The following DGKK variants were observed in gnomAD, a reference collection of about 807,000 sequenced individuals.
DGKK encodes the protein diacylglycerol kinase kappa.
DGKK carries 35 observed loss-of-function variants against 92.2 expected under a neutral mutation model. That is an observed-to-expected ratio of 0.38 (90% CI 0.29 to 0.50). DGKK has a LOEUF of 0.50. DGKK is among the 20% of genes least tolerant of loss of function. DGKK has a pLI of 0.92. For missense variants in DGKK, 910 were observed against 992.2 expected, an observed-to-expected ratio of 0.92 and a Z score of 1.11; for synonymous variants, 368 against 360.6, an observed-to-expected ratio of 1.02 and a Z score of -0.23.
intron 1 of DGKK, among the ~76,000 whole-genome samples, chrX:50,425,896 T>C (rs1413942560): frequency 1.8e-5 from 2 of 112,024 alleles, no homozygotes; most frequent in Non-Finnish European, 3.8e-5. Flanking sequence ...ATTGTTCCTT[T>C]CCCCTTTCTG....
intron 5 of DGKK, 128 bp from the exon 6 acceptor site, chrX:50,403,725 A>T: frequency 1.8e-6 from 1 of 552,369 alleles, no homozygotes; most frequent in Non-Finnish European, 2.9e-6. Flanking sequence ...CACCTCCAAA[A>T]ACCTATTTCC....
chrX:50,396,074 A>G (rs1557226081), intron 8 of DGKK, among the ~76,000 whole-genome samples: 2 of 112,328 alleles, frequency 1.8e-5, no homozygotes, highest in African/African-American at 6.5e-5. Context: ...ATTATTCATC[A>G]TAGTGGACTG....
At chrX:50,465,848 C>G (rs1926887032) in intron 1 of DGKK, among the ~76,000 whole-genome samples, 1 of 110,331 alleles carries the variant, frequency 9.1e-6, no homozygotes, top group South Asian at 3.9e-4. Flanking sequence ...TATTTTTGCC[C>G]TCCCCCACCT....
chrX:50,377,357 G>A (rs782552795), intron 22 of DGKK, among the ~76,000 whole-genome samples: 2 of 112,357 alleles, frequency 1.8e-5, no homozygotes, highest in Non-Finnish European at 3.8e-5. Flanking sequence ...TTTACTAGTT[G>A]TGTGACCATT....
At chrX:50,463,177 C>G (rs1926804771) in intron 1 of DGKK, among the ~76,000 whole-genome samples, 1 of 107,481 alleles carries the variant, frequency 9.3e-6, no homozygotes, top group Non-Finnish European at 1.9e-5. Context: ...AAAATAATCC[C>G]TTTGTTAATT....
intron 2 of DGKK, 139 bp downstream of exon 2, chrX:50,424,109 G>GT (rs1557229436): frequency 2.3e-6 from 1 of 440,981 alleles, no homozygotes; most frequent in Non-Finnish European, 3.8e-6. Flanking sequence ...ACCCAAAAGG[G>GT]CAAGTTAAAA....
rs782230564 is a variant in DGKK at position 50,381,393 on chromosome X, A to C, written c.2657+1103T>G. On this transcript the variant is annotated intron_variant, in intron 18 of 27. Transcript: ENST00000611977. ...TGAGGCAGGAGAATTACTTGAACCC[A>C]GGAGGCAGAGGTTGCAGTGAGCCGA... 2.8e-4 allele frequency among the ~76,000 whole-genome samples: 31 copies of C among 111,514 alleles called. No individual in the cohort carries two copies. The East Asian group carries it at 7.9e-3, about 28-fold the overall frequency.
intron 8 of DGKK, among the ~76,000 whole-genome samples, chrX:50,400,346 T>C (rs1202982754): frequency 8.9e-6 from 1 of 112,322 alleles, no homozygotes; most frequent in African/African-American, 3.2e-5. Context: ...TCTTGCTGCA[T>C]TGATTTCATT....
chrX:50,408,073 G>A (rs961418426), intron 4 of DGKK, among the ~76,000 whole-genome samples: 21 of 112,856 alleles, frequency 1.9e-4, no homozygotes, highest in African/African-American at 6.8e-4. Context: ...GAGAGGCTCA[G>A]AGGCCAGAGA....
At chrX:50,373,913 T>G (rs1557223518) in intron 25 of DGKK, among the ~76,000 whole-genome samples, 1 of 112,159 alleles carries the variant, frequency 8.9e-6, no homozygotes, top group African/African-American at 3.2e-5. Flanking sequence ...AGCCTCAGTC[T>G]GTTCTCCCTA....
At chrX:50,406,260 T>A (rs1364381101) in intron 4 of DGKK, among the ~76,000 whole-genome samples, 2 of 111,793 alleles carry the variant, frequency 1.8e-5, no homozygotes, top group Non-Finnish European at 3.8e-5. Context: ...ATTACTTAGG[T>A]TCAGCAGTTG....
At chrX:50,438,871 C>T (rs1446632967) in intron 1 of DGKK, among the ~76,000 whole-genome samples, 3 of 111,584 alleles carry the variant, frequency 2.7e-5, no homozygotes, top group African/African-American at 9.8e-5. Context: ...AGGTCTGTTG[C>T]CATAAAGTAG....
At chrX:50,436,735 T>C (rs1399149505) in intron 1 of DGKK, among the ~76,000 whole-genome samples, 1 of 111,164 alleles carries the variant, frequency 9.0e-6, no homozygotes, top group Non-Finnish European at 1.9e-5. Flanking sequence ...CCTTTTTTTT[T>C]TTCAGGTAAT....
In DGKK at chrX:50,370,134, T is replaced by A. The variant is rs377668841; in HGVS notation, c.3736+292A>T. 4.5e-5 allele frequency among the ~76,000 whole-genome samples: 5 copies of A among 112,278 alleles called. No individual in the cohort carries two copies. The East Asian group carries it at 1.4e-3, about 31-fold the overall frequency. On this transcript the variant is annotated intron_variant, in intron 27 of 27. Transcript: ENST00000611977. ...GTGTTTAGATAGGCCACAGAACCTGTTCCTGACCCTTAGGAGTGAATCAGG... is the reference window on the plus strand; with the variant it reads ...GTGTTTAGATAGGCCACAGAACCTGATCCTGACCCTTAGGAGTGAATCAGG...
At chrX:50,447,667 G>A (rs1174255098) in intron 1 of DGKK, among the ~76,000 whole-genome samples, 2 of 105,189 alleles carry the variant, frequency 1.9e-5, no homozygotes, top group African/African-American at 3.4e-5. Context: ...GGTAGGGCTA[G>A]ATTTCTGACA....
At chrX:50,415,605 A>G (rs186321573) in intron 4 of DGKK, among the ~76,000 whole-genome samples, 1 of 112,112 alleles carries the variant, frequency 8.9e-6, no homozygotes, top group Non-Finnish European at 1.9e-5. Flanking sequence ...CCACCATCGT[A>G]AGTTGGAGAC....
intron 4 of DGKK, among the ~76,000 whole-genome samples, chrX:50,417,702 C>T (rs1925471018): frequency 9.0e-6 from 1 of 110,867 alleles, no homozygotes; most frequent in Admixed American, 9.6e-5. Flanking sequence ...GGGCTTAACA[C>T]GGTCTTGCCA....
rs782732827 is a variant in DGKK, at chrX:50,470,230, G to A, written c.449C>T (p.Ala150Val). ...CACAGGTTCTGGGGTCGGCTCTGGG[G>A]CCAGCTCTGGGGCAACTTCTGGAGT... ...ELTPEVAPEL[A>V]PEPTPEPVTE... The change falls in exon 1 of 28, where the codon GCC (alanine) becomes GTC (valine). Residue 150 changes from alanine (A) to valine (V), a missense_variant. By Grantham distance (64) the Ala-to-Val change is moderately conservative (BLOSUM62 0). Coordinates refer to ENST00000611977, the MANE Select transcript of DGKK (RefSeq NM_001013742.4). The A allele has an allele frequency of 8.3e-7, 1 of 1,209,204 alleles. No individual in the cohort carries two copies. Among genetic ancestry groups the A allele is most frequent in the Non-Finnish European group, 1.1e-6 (1 of 894,792 alleles).
chrX:50,452,458 A>G (rs1926518108), intron 1 of DGKK, among the ~76,000 whole-genome samples: 1 of 112,122 alleles, frequency 8.9e-6, no homozygotes, highest in Non-Finnish European at 1.9e-5. Flanking sequence ...AAAAATCTCT[A>G]CCCAGCAATC....
Sources: allele counts gnomAD v4.1 joint callset (sites outside exome capture counted in the v4.1 genomes callset), GRCh38; gene constraint gnomAD v4.1.1; transcripts MANE v1.5; gene names NCBI Gene and HGNC (gene_info 2026-07-23, HGNC 2026-07-21).